Variants in CDYL2 observed in about 807,000 individuals in gnomAD.
CDYL2 encodes the protein chromodomain Y like 2, also known as chromodomain Y-like protein 2.
In CDYL2, 23 loss-of-function variants were observed where a neutral mutation model predicts 49.4. That is an observed-to-expected ratio of 0.47 (90% CI 0.34 to 0.66). CDYL2 has a LOEUF of 0.66. CDYL2 is among the 30% of genes least tolerant of loss of function. CDYL2 has a pLI of 0.01. For missense variants in CDYL2, 678 were observed against 656.4 expected (o/e 1.03, Z -0.36); for synonymous variants, 360 against 268.8 (o/e 1.34, Z -3.32).
Position 80,608,133 on chromosome 16 carries a change from C to A in CDYL2, c.1321G>T (p.Val441Phe). 1 of 1,605,314 alleles carries A rather than the reference C, an allele frequency of 6.2e-7. No homozygotes were observed. The highest frequency in any genetic ancestry group is 2.2e-5 in the East Asian group (1 of 44,592). ...VFWPTTFSQEVMLRVKEMASC... is the reference protein window; with the variant it reads ...VFWPTTFSQEFMLRVKEMASC... ...GCCATCTCCTTGACCCGCAGCATGA[C>A]CTCCTGGCTGAACGTGGTGGGCCAG... The change falls in exon 6 of 7, where the codon GTC becomes TTC. Residue 441 changes from valine (V) to phenylalanine (F), a missense_variant. Val to Phe is a conservative substitution (Grantham distance 50). Coordinates refer to ENST00000570137, the MANE Select transcript of CDYL2 (RefSeq NM_152342.4).
chr16:80,652,868 C>CT (rs559891953), intron 2 of CDYL2, among the ~76,000 whole-genome samples: 130 of 152,278 alleles, frequency 8.5e-4, no homozygotes, highest in Admixed American at 2.2e-3. Context: ...CCTCAAAACT[C>CT]TTTTTACGAC....
chr16:80,672,007 T>C (rs1909530848), intron 2 of CDYL2, among the ~76,000 whole-genome samples: 1 of 152,206 alleles, frequency 6.6e-6, no homozygotes, highest in African/African-American at 2.4e-5. Flanking sequence ...ACAAGTGTTT[T>C]GGATTTCTGA....
chr16:80,725,063 C>A (rs1334515336), intron 1 of CDYL2, among the ~76,000 whole-genome samples: 1 of 152,294 alleles, frequency 6.6e-6, no homozygotes, highest in South Asian at 2.1e-4. Context: ...AACTGAGTCA[C>A]CTTCTATCGG....
intron 1 of CDYL2, among the ~76,000 whole-genome samples, chr16:80,736,207 A>G (rs1905519306): frequency 6.6e-6 from 1 of 152,240 alleles, no homozygotes; most frequent in South Asian, 2.1e-4. Flanking sequence ...CCCACCATCA[A>G]TACATTTATA....
chr16:80,607,854 A>C (rs1391899104), intron 6 of CDYL2, among the ~76,000 whole-genome samples: 2 of 152,222 alleles, frequency 1.3e-5, no homozygotes, highest in Non-Finnish European at 2.9e-5. Context: ...TAGAGTATCC[A>C]TCTCTCCTGT....
chr16:80,648,699 AAAAAG>A (rs1199788753), intron 2 of CDYL2, among the ~76,000 whole-genome samples: 1 of 152,044 alleles, frequency 6.6e-6, no homozygotes, highest in African/African-American at 2.4e-5. Context: ...AATAAAAAAA[AAAAAG>A]AAAACTACTG....
intron 2 of CDYL2, among the ~76,000 whole-genome samples, chr16:80,636,937 G>C (rs985372148): frequency 2.6e-5 from 4 of 152,168 alleles, no homozygotes; most frequent in African/African-American, 9.7e-5. Context: ...ATCATTCTCA[G>C]CAAATGAACA....
chr16:80,628,650 T>C (rs1907410763), intron 3 of CDYL2, among the ~76,000 whole-genome samples: 1 of 149,512 alleles, frequency 6.7e-6, no homozygotes, highest in South Asian at 2.1e-4. Flanking sequence ...TTTAAAATGC[T>C]AAGTTTAAAA....
intron 2 of CDYL2, among the ~76,000 whole-genome samples, chr16:80,634,322 A>G (rs113108487): frequency 0.059 from 8,944 of 152,278 alleles, 798 homozygotes; most frequent in African/African-American, 0.2. Context: ...AACCATAAAA[A>G]AGGATGAGTT....
intron 1 of CDYL2, among the ~76,000 whole-genome samples, 184 bp downstream of exon 1, chr16:80,803,966 C>A (rs1908013777): frequency 1.5e-5 from 2 of 134,288 alleles, no homozygotes; most frequent in South Asian, 2.6e-4. Context: ...AGGCGGCGGG[C>A]GGCGGGCGGC....
At chr16:80,745,795 A>G (rs1482522357) in intron 1 of CDYL2, among the ~76,000 whole-genome samples, 1 of 152,110 alleles carries the variant, frequency 6.6e-6, no homozygotes, top group African/African-American at 2.4e-5. Flanking sequence ...AATCCTCCCT[A>G]TGACCAGGAC....
chr16:80,612,885 G>A lies in CDYL2; in HGVS notation c.1008-49C>T. The A allele has an allele frequency of 4.6e-6, 7 of 1,507,836 alleles. No homozygotes were observed. Among genetic ancestry groups the A allele is most frequent in the South Asian group, 1.3e-5 (1 of 77,170 alleles). 93.4% of individuals were successfully genotyped at this position (1,507,836 alleles called of 1,614,324 possible). On this transcript the variant is annotated intron_variant, in intron 4 of 6. Coordinates refer to ENST00000570137, the MANE Select transcript of CDYL2 (RefSeq NM_152342.4). This position sits in a 1 kb window ranked among gnomAD's most constrained non-coding sequence, Gnocchi z 5.0. ...TGAACAGGTGACTATAGCATGCTAA[G>A]CCCCACTGGAACCCTTGACTCTCCC...
chr16:80,607,412 T>A (rs1044407967), intron 6 of CDYL2, among the ~76,000 whole-genome samples: 2 of 152,180 alleles, frequency 1.3e-5, no homozygotes, highest in African/African-American at 4.8e-5. Flanking sequence ...AGCAGCTCCC[T>A]GTTTCTCAAG....
At chr16:80,717,041 C>G (rs151119478) in intron 1 of CDYL2, among the ~76,000 whole-genome samples, 2,854 of 104,580 alleles carry the variant, frequency 0.027, 107 homozygotes, top group African/African-American at 0.12. Flanking sequence ...TGGATGGATG[C>G]ACGGATGGAT....
intron 1 of CDYL2, among the ~76,000 whole-genome samples, chr16:80,727,406 G>T (rs184938403): frequency 6.6e-6 from 1 of 152,196 alleles, no homozygotes; most frequent in South Asian, 2.1e-4. Flanking sequence ...AAAAAACGGC[G>T]CACCAGGAGA....
chr16:80,785,682 T>G (rs1039422620), intron 1 of CDYL2, among the ~76,000 whole-genome samples: 2 of 152,170 alleles, frequency 1.3e-5, no homozygotes, highest in Non-Finnish European at 2.9e-5. Flanking sequence ...AGAACAAAGC[T>G]GGAGGCATCA....
At chr16:80,622,898 C>A (rs1421004101) in intron 3 of CDYL2, among the ~76,000 whole-genome samples, 2 of 152,162 alleles carry the variant, frequency 1.3e-5, no homozygotes, top group Non-Finnish European at 2.9e-5. Context: ...TTACAGAGCA[C>A]TTGCCCATGA....
chr16:80,642,155 A>G (rs1395116863), intron 2 of CDYL2, among the ~76,000 whole-genome samples: 1 of 152,186 alleles, frequency 6.6e-6, no homozygotes, highest in Non-Finnish European at 1.5e-5. Context: ...TAAAATATTT[A>G]TTAGTCGCCG....
intron 1 of CDYL2, among the ~76,000 whole-genome samples, chr16:80,748,331 CCTGA>C (rs1906006431): frequency 6.8e-6 from 1 of 148,104 alleles, no homozygotes; most frequent in African/African-American, 2.5e-5. Flanking sequence ...TCGAGACCAT[CCTGA>C]CTAACACGGT....
Sources: allele counts gnomAD v4.1 joint callset (sites outside exome capture counted in the v4.1 genomes callset), GRCh38; gene constraint gnomAD v4.1.1; non-coding constraint Gnocchi (gnomAD v3.1); transcripts MANE v1.5; gene names NCBI Gene and HGNC (gene_info 2026-07-23, HGNC 2026-07-21).